The following CTDSP1 variants were observed in gnomAD, a reference collection of about 807,000 sequenced individuals.
CTDSP1 encodes CTD small phosphatase 1, also known as carboxy-terminal domain RNA polymerase II polypeptide A small phosphatase 1.
Under a neutral mutation model 32.5 loss-of-function variants are expected in CTDSP1, and 15 were observed. The ratio of observed to expected loss-of-function variants is 0.46; its 90% CI spans 0.31 to 0.71. The LOEUF is 0.71. Ranked by LOEUF, CTDSP1 falls within the 30% of genes least tolerant of loss-of-function variation. CTDSP1 has a pLI of 0.05. For missense variants in CTDSP1, 294 were observed against 351.1 expected, an observed-to-expected ratio of 0.84 and a Z score of 1.30; for synonymous variants, 185 against 145.4, an observed-to-expected ratio of 1.27 and a Z score of -1.96.
intron 6 of CTDSP1, among the ~76,000 whole-genome samples, chr2:218,404,040 A>C (rs1697291249): frequency 6.6e-6 from 1 of 152,182 alleles, no homozygotes; most frequent in South Asian, 2.1e-4. Flanking sequence ...AGCCTGGGCA[A>C]CAGAGCAAGA....
chr2:218,404,090 C>T (rs895457257), intron 6 of CTDSP1, among the ~76,000 whole-genome samples: 2 of 152,042 alleles, frequency 1.3e-5, no homozygotes, highest in East Asian at 1.9e-4. Context: ...GAGTGCTTCG[C>T]ACAGATAAGG....
At chr2:218,401,207 G>T (rs1269578742) in intron 1 of CTDSP1, 3 of 379,850 alleles carry the variant, frequency 7.9e-6, no homozygotes, top group Non-Finnish European at 1.5e-5. Context: ...CCTGAGCAGG[G>T]GTGCTCAGGT....
chr2:218,400,463 C>T (rs752258143), intron 1 of CTDSP1: 6 of 478,862 alleles, frequency 1.3e-5, no homozygotes, highest in Non-Finnish European at 2.3e-5. Context: ...CGCCCCCCCA[C>T]CATTGGCGCC....
rs1187246285 is a variant in CTDSP1 at position 218,402,146 on chromosome 2, G to T, written c.252G>T (p.Lys84Asn). 3 of 1,613,602 alleles carry T rather than the reference G, an allele frequency of 1.9e-6. No individual in the cohort carries two copies. The highest frequency in any genetic ancestry group is 3.3e-5 in the Admixed American group (2 of 60,008). ...TCCAATACCTGCTCCCTGAGGCCAA[G>T]GCCCAGGACTCAGACAAGATCTGCG... Reference protein sequence around the residue: ...TPVQYLLPEAKAQDSDKICVV... With the variant: ...TPVQYLLPEANAQDSDKICVV... Residue 84 changes from lysine (K) to asparagine (N), a missense_variant, in exon 3 of 7, where the codon AAG (lysine) becomes AAT (asparagine). Physicochemically the swap from Lys to Asn is moderately conservative, Grantham distance 94 (BLOSUM62 0). Around this residue, in one of 2 missense-constraint regions of CTDSP1, gnomAD observed 148 missense variants for 113.3 expected, o/e 1.31. Coordinates refer to ENST00000273062, the MANE Select transcript of CTDSP1 (RefSeq NM_021198.3).
Position 218,399,980 on chromosome 2 carries a change from T to TTGCCGC in CTDSP1, c.-111_-110insTGCCGC. The TTGCCGC allele has an allele frequency of 1.1e-6, 1 of 946,508 alleles. No homozygotes were observed. Among genetic ancestry groups the TTGCCGC allele is most frequent in the Non-Finnish European group, 1.3e-6 (1 of 770,562 alleles). 58.6% of individuals were successfully genotyped at this position (946,508 alleles called of 1,614,324 possible). A position where few individuals can be genotyped will look rare whatever the true frequency, so the allele number is the denominator to read the frequency against. ...CCCTCCCCTCCGGAGCTCGCGGGGA[T>TTGCCGC]CCCTCCCTCCCACCCCTCCCCTCCC... is the stretch of plus-strand genomic sequence containing the variant. On this transcript the variant is annotated 5_prime_UTR_variant, in exon 1 of 7. Coordinates refer to ENST00000273062, the MANE Select transcript of CTDSP1 (RefSeq NM_021198.3).
Position 218,404,641 on chromosome 2 carries a change from A to C in CTDSP1, c.*216A>C. The C allele has an allele frequency of 1.8e-6, 1 of 541,820 alleles. No individual in the cohort carries two copies. The highest frequency in any genetic ancestry group is 3.2e-6 in the Non-Finnish European group (1 of 309,738). The allele number at this position is 541,820 out of a possible 1,614,324, so 33.6% of individuals were successfully genotyped here. On this transcript the variant is annotated 3_prime_UTR_variant, in exon 7 of 7. Coordinates refer to ENST00000273062, the MANE Select transcript of CTDSP1 (RefSeq NM_021198.3). ...TCCAGGCCCCGTGTCAGTGCCTTCA[A>C]ACCTCCTCCCCTATTCTCAGGGGAC...
At chr2:218,402,303 C>G (rs372400662) in intron 3 of CTDSP1, 46 bp from the exon 4 acceptor site, 1 of 1,612,826 alleles carries the variant, frequency 6.2e-7, no homozygotes, top group East Asian at 2.2e-5. Context: ...GGACCCCATG[C>G]CCTGGGGCTC....
At chr2:218,403,203 C>T in intron 5 of CTDSP1, 29 bp from the exon 6 acceptor site, 3 of 1,611,050 alleles carry the variant, frequency 1.9e-6, no homozygotes, top group Non-Finnish European at 2.5e-6. Flanking sequence ...AACCTGCGGG[C>T]CCCAGGATGA....
upstream of CTDSP1, chr2:218,399,681 G>T (rs952938499): frequency 7.3e-6 from 7 of 959,886 alleles, no homozygotes; most frequent in African/African-American, 1.2e-4. Flanking sequence ...ACTCAGCCCC[G>T]CCGGCGGGCG....
At position 218,402,395 on chromosome 2, in the gene CTDSP1, T is replaced by G. The variant is rs1697192963; in HGVS notation, c.368T>G (p.Val123Gly). The G allele has an allele frequency of 6.2e-7, 1 of 1,609,722 alleles. No individual in the cohort carries two copies. Among genetic ancestry groups the G allele is most frequent in the South Asian group, 1.1e-5 (1 of 90,404 alleles). The change falls in exon 4 of 7, where the codon GTG becomes GGG. Residue 123 changes from valine to glycine, a missense_variant. Coordinates refer to ENST00000273062, the MANE Select transcript of CTDSP1 (RefSeq NM_021198.3). ...DFIIPVEIDG[V>G]VHQVYVLKRP... ...ATCATCCCTGTGGAGATTGATGGGG[T>G]GGTCCACCAGGTGAGGGCCAGGAAG...
chr2:218,404,502 G>A lies in CTDSP1; in HGVS notation c.*77G>A. ...TCCCAGGAAGACTGCCCAGGCCTTTGTTAGGAAAACCCATGGGCCGCCGCC... is the reference window on the plus strand; with the variant it reads ...TCCCAGGAAGACTGCCCAGGCCTTTATTAGGAAAACCCATGGGCCGCCGCC... On this transcript the variant is annotated 3_prime_UTR_variant, in exon 7 of 7. Transcript: ENST00000273062. 6.4e-7 allele frequency: 1 copy of A among 1,571,266 alleles called. No individual in the cohort carries two copies. The highest frequency in any genetic ancestry group is 1.3e-5 in the African/African-American group (1 of 74,084).
upstream of CTDSP1, chr2:218,399,609 C>T (rs938358227): frequency 2.3e-5 from 13 of 560,218 alleles, no homozygotes; most frequent in Non-Finnish European, 2.7e-5. Context: ...GGGCCTTGGC[C>T]GAGGGCGCTC....
At chr2:218,402,432 G>C in intron 4 of CTDSP1, 27 bp downstream of exon 4, 6 of 1,597,226 alleles carry the variant, frequency 3.8e-6, no homozygotes, top group Non-Finnish European at 4.3e-6. Context: ...GGCAGTGGTG[G>C]GCTTGGCATC....
In CTDSP1 at chr2:218,402,344, C is replaced by T. The variant is rs1195189030; in HGVS notation, c.322-5C>T. 1 of 1,614,038 alleles carries T rather than the reference C, an allele frequency of 6.2e-7. No individual in the cohort carries two copies. Among genetic ancestry groups the T allele is most frequent in the Non-Finnish European group, 8.5e-7 (1 of 1,180,000 alleles). Reference sequence around the variant, plus strand: ...CCAACTCCAGCAGCTCTTTTCCCCCCACAGCCAGTGAACAACGCGGACTTC... The same window carrying T: ...CCAACTCCAGCAGCTCTTTTCCCCCTACAGCCAGTGAACAACGCGGACTTC... On this transcript the variant is annotated splice_polypyrimidine_tract_variant and splice_region_variant and intron_variant, in intron 3 of 6. Coordinates refer to ENST00000273062, the MANE Select transcript of CTDSP1 (RefSeq NM_021198.3).
In CTDSP1 at chr2:218,400,111, T is replaced by A; in HGVS notation, c.21T>A (p.Ile7=). 3 of 1,542,366 alleles carry A rather than the reference T, an allele frequency of 1.9e-6. No homozygotes were observed. The highest frequency in any genetic ancestry group is 2.6e-6 in the Non-Finnish European group (3 of 1,144,002). The change falls in exon 1 of 7, where the codon ATT becomes ATA. Residue 7 remains isoleucine (I), a synonymous_variant. Transcript: ENST00000273062. MDSSAV[I]TQISKEEARG... Reference sequence around the variant, plus strand: ...GCCCCATGGACAGCTCGGCCGTCATTACTCAGATCAGCAAGGAGGAGGCTC... The same window carrying A: ...GCCCCATGGACAGCTCGGCCGTCATAACTCAGATCAGCAAGGAGGAGGCTC...
chr2:218,400,155 A>G lies in CTDSP1; in HGVS notation c.65A>G (p.Lys22Arg), dbSNP rs768119984. 3 of 1,544,214 alleles carry G rather than the reference A, an allele frequency of 1.9e-6. No homozygotes were observed. The highest frequency in any genetic ancestry group is 8.7e-7 in the Non-Finnish European group (1 of 1,144,764). The change falls in exon 1 of 7, where the codon AAA becomes AGA. Residue 22 changes from lysine (K) to arginine (R), a missense_variant and splice_region_variant. By Grantham distance (26) the Lys-to-Arg change is conservative. Around this residue, in one of 2 missense-constraint regions of CTDSP1, gnomAD observed 148 missense variants for 113.3 expected, o/e 1.31. Coordinates refer to ENST00000273062, the MANE Select transcript of CTDSP1 (RefSeq NM_021198.3). ...KEEARGPLRGKGDQKSAASQK... is the reference protein window; with the variant it reads ...KEEARGPLRGRGDQKSAASQK... ...GAGGCTCGGGGCCCGCTGCGGGGCA[A>G]AGGTACCGGGGCTGCGGGGAGGGGG...
chr2:218,403,408 A>C lies in CTDSP1; in HGVS notation c.648A>C (p.Pro216=). ...CACCTGCCTCCTATGTCTTCCATCC[A>C]GACAATGCTGTGAGTGCGGGCTGGA... ...DNSPASYVFH[P]DNAVPVASWF... Residue 216 remains proline (P), a synonymous_variant, in exon 6 of 7, where the codon CCA becomes CCC. Transcript: ENST00000273062. The C allele has an allele frequency of 6.3e-7, 1 of 1,599,912 alleles. No homozygotes were observed. The highest frequency in any genetic ancestry group is 1.7e-4 in the Middle Eastern group (1 of 6,004).
chr2:218,401,765 C>T, intron 2 of CTDSP1, 53 bp downstream of exon 2: 1 of 1,474,158 alleles, frequency 6.8e-7, no homozygotes, highest in African/African-American at 1.4e-5. Flanking sequence ...GTCTTCAGGG[C>T]TTTAGGGGAA....
At position 218,400,011 on chromosome 2, in the gene CTDSP1, C is replaced by T. The variant is rs1226147170; in HGVS notation, c.-80C>T. 4.6e-6 allele frequency: 6 copies of T among 1,304,240 alleles called. No individual in the cohort carries two copies. The highest frequency in any genetic ancestry group is 6.4e-5 in the East Asian group (2 of 31,290). The allele number at this position is 1,304,240 out of a possible 1,614,324, so 80.8% of individuals were successfully genotyped here. A position where few individuals can be genotyped will look rare whatever the true frequency, so the allele number is the denominator to read the frequency against. ...CCTCCCACCCCTCCCCTCCCCCCCG[C>T]GCCCCGATTCCGGCCCCAGCCGGGG... is the stretch of plus-strand genomic sequence containing the variant. On this transcript the variant is annotated 5_prime_UTR_variant, in exon 1 of 7. Transcript: ENST00000273062.
Sources: gnomAD v4.1 joint callset for allele counts (sites outside exome capture counted in the v4.1 genomes callset) on GRCh38, gnomAD v4.1.1 for gene constraint, gnomAD v4.1.1 regional missense constraint, MANE v1.5 for transcripts, NCBI Gene and HGNC (gene_info 2026-07-23, HGNC 2026-07-21) for gene names.